Variants in LAPTM4A observed in about 807,000 individuals in gnomAD.
The protein encoded by LAPTM4A is lysosomal protein transmembrane 4 alpha.
In LAPTM4A, 19 loss-of-function variants were observed where a neutral mutation model predicts 29.9. The observed-to-expected ratio is 0.64, with a 90% CI of 0.44 to 0.93. LAPTM4A has a LOEUF of 0.93. Ranked by LOEUF, LAPTM4A falls within the 40% of genes least tolerant of loss-of-function variation. The pLI is 0.00. For missense variants in LAPTM4A, 293 were observed against 288.5 expected, an observed-to-expected ratio of 1.02 and a Z score of -0.11; for synonymous variants, 105 against 102.1, an observed-to-expected ratio of 1.03 and a Z score of -0.17.
chr2:20,048,585 T>C (rs1331413636), intron 1 of LAPTM4A, among the ~76,000 whole-genome samples: 2 of 152,220 alleles, frequency 1.3e-5, no homozygotes, highest in Non-Finnish European at 2.9e-5. Flanking sequence ...ATACAGTCAC[T>C]GATAGCGAGG....
chr2:20,048,122 G>A (rs1673975064), intron 1 of LAPTM4A, among the ~76,000 whole-genome samples: 1 of 152,188 alleles, frequency 6.6e-6, no homozygotes, highest in African/African-American at 2.4e-5. Flanking sequence ...TTAAGTCTAA[G>A]AGATAAAATT....
intron 1 of LAPTM4A, among the ~76,000 whole-genome samples, chr2:20,042,379 C>T (rs567757565): frequency 2.6e-5 from 4 of 152,182 alleles, no homozygotes; most frequent in Non-Finnish European, 5.9e-5. Context: ...GATTCAGAGG[C>T]CCAAGCATAG....
chr2:20,051,294 C>T (rs541520946), intron 1 of LAPTM4A, 116 bp downstream of exon 1: 6 of 720,628 alleles, frequency 8.3e-6, no homozygotes, highest in Admixed American at 4.3e-5. Context: ...CCTTAAAAAG[C>T]AGCGCCCCTC....
rs753064655 is a variant in LAPTM4A, at chr2:20,037,502, G to C, written c.309+36C>G. Reference sequence around the variant, plus strand: ...TAGGAAATTACTAAGCTCCCCTAAGGTCAAACTCTAAAAGATGAAAATACA... The same window carrying C: ...TAGGAAATTACTAAGCTCCCCTAAGCTCAAACTCTAAAAGATGAAAATACA... On this transcript the variant is annotated intron_variant, in intron 3 of 6. Transcript: ENST00000175091. The C allele has an allele frequency of 5.6e-6, 9 of 1,601,062 alleles. No homozygotes were observed. In the East Asian group the frequency reaches 1.6e-4, roughly 28 times the overall value.
intron 1 of LAPTM4A, among the ~76,000 whole-genome samples, chr2:20,050,473 G>A (rs562645182): frequency 6.6e-6 from 1 of 152,338 alleles, no homozygotes; most frequent in East Asian, 1.9e-4. Flanking sequence ...AGTCGACCAT[G>A]TAGGAAGTTT....
In LAPTM4A at chr2:20,037,314, A is replaced by T; in HGVS notation, c.432+2T>A. 6.2e-7 allele frequency: 1 copy of T among 1,606,504 alleles called. No homozygotes were observed. The highest frequency in any genetic ancestry group is 8.5e-7 in the Non-Finnish European group (1 of 1,176,694). Reference sequence around the variant, plus strand: ...ATAAGTTTAATGAGCATACACACTTACTAGTTGATCCAGATATTCTTTGAT... The same window carrying T: ...ATAAGTTTAATGAGCATACACACTTTCTAGTTGATCCAGATATTCTTTGAT... On this transcript the variant is annotated splice_donor_variant, in intron 4 of 6. Coordinates refer to ENST00000175091, the MANE Select transcript of LAPTM4A (RefSeq NM_014713.5). LOFTEE classifies it high-confidence loss of function.
At chr2:20,033,376 T>C in intron 6 of LAPTM4A, 97 bp from the exon 7 acceptor site, 1 of 866,534 alleles carries the variant, frequency 1.2e-6, no homozygotes. Flanking sequence ...AATAGGGTTA[T>C]ACAAAACCAT....
At chr2:20,040,772 T>G in intron 2 of LAPTM4A, 119 bp downstream of exon 2, 1 of 975,912 alleles carries the variant, frequency 1.0e-6, no homozygotes, top group Non-Finnish European at 1.6e-6. Flanking sequence ...CCCTATGATG[T>G]TCACACAACA....
At chr2:20,047,874 T>C (rs1263756526) in intron 1 of LAPTM4A, among the ~76,000 whole-genome samples, 1 of 152,080 alleles carries the variant, frequency 6.6e-6, no homozygotes, top group African/African-American at 2.4e-5. Context: ...TTTTAGAAAG[T>C]GACTTGGGAG....
rs1219979392 is a variant in LAPTM4A, at chr2:20,034,372, T to C, written c.572A>G (p.Asn191Ser). The C allele has an allele frequency of 6.2e-7, 1 of 1,614,094 alleles. No individual in the cohort carries two copies. The highest frequency in any genetic ancestry group is 1.1e-5 in the South Asian group (1 of 91,080). ...NCVWNCYKYI[N>S]NRNVPEIAVY... ...AGCAATCTCCGGCACGTTTCGGTTG[T>C]TGATGTATTTATAGCAGTTCCAAAC... Residue 191 changes from asparagine to serine, a missense_variant, in exon 6 of 7, where the codon AAC (asparagine) becomes AGC (serine). Coordinates refer to ENST00000175091, the MANE Select transcript of LAPTM4A (RefSeq NM_014713.5).
intron 4 of LAPTM4A, 96 bp downstream of exon 4, chr2:20,037,220 T>A: frequency 2.1e-6 from 2 of 970,606 alleles, no homozygotes; most frequent in South Asian, 2.1e-5. Flanking sequence ...GCAAGCGGAG[T>A]AGTTAAAAAT....
intron 4 of LAPTM4A, among the ~76,000 whole-genome samples, chr2:20,036,346 T>C (rs1673676526): frequency 6.6e-6 from 1 of 152,212 alleles, no homozygotes; most frequent in Admixed American, 6.5e-5. Context: ...TCTATCTTAA[T>C]TCCTGTTCAA....
At chr2:20,047,393 GAA>G (rs1470350919) in intron 1 of LAPTM4A, among the ~76,000 whole-genome samples, 5 of 94,154 alleles carry the variant, frequency 5.3e-5, no homozygotes, top group Non-Finnish European at 4.4e-5. Flanking sequence ...TCTCAAAAAA[GAA>G]AAAAAAAAAA....
chr2:20,040,786 T>C, intron 2 of LAPTM4A, 105 bp downstream of exon 2: 1 of 1,081,696 alleles, frequency 9.2e-7, no homozygotes, highest in Non-Finnish European at 1.4e-6. Context: ...CACAACAATA[T>C]CACCCAGTGA....
intron 5 of LAPTM4A, among the ~76,000 whole-genome samples, chr2:20,034,714 C>T (rs1225626678): frequency 6.6e-6 from 1 of 152,210 alleles, no homozygotes; most frequent in Non-Finnish European, 1.5e-5. Context: ...ATTTTCAATA[C>T]AAATCATGAA....
Position 20,037,031 on chromosome 2 carries a change from C to G in LAPTM4A, c.432+285G>C, listed in dbSNP as rs185227261. Among the ~76,000 whole-genome samples the G allele has an allele frequency of 3.1e-4, 47 of 152,336 alleles. No homozygotes were observed. In the South Asian group the frequency reaches 5.6e-3, roughly 18 times the overall value. On this transcript the variant is annotated intron_variant, in intron 4 of 6. Coordinates refer to ENST00000175091, the MANE Select transcript of LAPTM4A (RefSeq NM_014713.5). ...AAGAGTGCCATACACAGTCAAATTA[C>G]TGTACCTTTGGATGCTCAAAAACAA... is the stretch of plus-strand genomic sequence containing the variant.
intron 1 of LAPTM4A, among the ~76,000 whole-genome samples, chr2:20,048,795 TTC>T (rs948769590): frequency 6.6e-6 from 1 of 152,220 alleles, no homozygotes; most frequent in African/African-American, 2.4e-5. Flanking sequence ...CCCATATTGT[TTC>T]TCTGTCTTAG....
intron 1 of LAPTM4A, among the ~76,000 whole-genome samples, chr2:20,045,992 T>C (rs1322760209): frequency 1.3e-5 from 2 of 152,166 alleles, no homozygotes; most frequent in Admixed American, 1.3e-4. Flanking sequence ...AAATTGACTA[T>C]CTTTAAAACG....
intron 1 of LAPTM4A, among the ~76,000 whole-genome samples, chr2:20,050,064 T>A (rs1013205279): frequency 6.6e-6 from 1 of 152,180 alleles, no homozygotes; most frequent in South Asian, 2.1e-4. Context: ...TGTGATATAG[T>A]TCTGTCAATA....
Sources: allele counts gnomAD v4.1 joint callset (sites outside exome capture counted in the v4.1 genomes callset), GRCh38; gene constraint gnomAD v4.1.1; transcripts MANE v1.5; gene names NCBI Gene and HGNC (gene_info 2026-07-23, HGNC 2026-07-21).